Variants in GRIP1 observed in about 807,000 individuals in gnomAD.
The protein encoded by GRIP1 is glutamate receptor-interacting protein 1.
A neutral mutation model predicts 129.9 loss-of-function variants in GRIP1; 45 were observed. That is an observed-to-expected ratio of 0.35 (90% CI 0.27 to 0.44). GRIP1 has a LOEUF of 0.44. Ranked by LOEUF, GRIP1 falls within the 20% of genes least tolerant of loss-of-function variation. The pLI, the probability that GRIP1 is intolerant of heterozygous loss-of-function variation, is 1.00. For synonymous variants in GRIP1, 530 were observed against 520.8 expected (o/e 1.02, Z -0.24); for missense variants, 1,196 against 1,396.8 (o/e 0.86, Z 2.29).
chr12:66,641,338 G>C (rs944572173), intron 1 of GRIP1, among the ~76,000 whole-genome samples: 6 of 145,228 alleles, frequency 4.1e-5, no homozygotes, highest in African/African-American at 1.5e-4. Context: ...AAAACCATGT[G>C]GGACATCTGA....
intron 1 of GRIP1, among the ~76,000 whole-genome samples, chr12:66,705,910 G>A (rs1360270925): frequency 6.6e-5 from 10 of 151,930 alleles, no homozygotes; most frequent in Middle Eastern, 3.2e-3. Context: ...TTAACTCAAG[G>A]TGGATAAAAG....
At chr12:66,518,631 C>A (rs1469622987) in intron 5 of GRIP1, among the ~76,000 whole-genome samples, 2 of 152,056 alleles carry the variant, frequency 1.3e-5, no homozygotes, top group Admixed American at 6.6e-5. Flanking sequence ...TAATCCATGA[C>A]CCTTTTGTAC....
chr12:66,611,536 A>G (rs142284301), intron 1 of GRIP1, among the ~76,000 whole-genome samples: 26 of 152,300 alleles, frequency 1.7e-4, no homozygotes, highest in Non-Finnish European at 2.8e-4. Flanking sequence ...ATTAAGATGA[A>G]ATATAATGCA....
chr12:66,431,243 TA>T (rs550946386), intron 14 of GRIP1, among the ~76,000 whole-genome samples: 1 of 152,136 alleles, frequency 6.6e-6, no homozygotes, highest in South Asian at 2.1e-4. Flanking sequence ...ACTGAGAGGC[TA>T]AGTGACCCAA....
At chr12:66,368,867 A>G (rs1040267133) in intron 23 of GRIP1, among the ~76,000 whole-genome samples, 1 of 152,190 alleles carries the variant, frequency 6.6e-6, no homozygotes, top group African/African-American at 2.4e-5. Context: ...CCTCCCCAGC[A>G]CTTCAAAATT....
chr12:66,468,152 T>G (rs1279854655), intron 7 of GRIP1, among the ~76,000 whole-genome samples: 2 of 152,156 alleles, frequency 1.3e-5, no homozygotes, highest in Non-Finnish European at 2.9e-5. Flanking sequence ...AGGACCAGGT[T>G]CCAGCCAATG....
At chr12:66,976,873 GTCTC>G (rs1235307072) in intron 1 of GRIP1, among the ~76,000 whole-genome samples, 6 of 151,996 alleles carry the variant, frequency 3.9e-5, no homozygotes, top group Non-Finnish European at 8.8e-5. Flanking sequence ...AATATTCTCT[GTCTC>G]TCTTTTTTGT....
intron 1 of GRIP1, among the ~76,000 whole-genome samples, chr12:66,854,708 C>A (rs1225592530): frequency 3.9e-5 from 6 of 151,950 alleles, no homozygotes; most frequent in Admixed American, 2.6e-4. Context: ...CCAATTTTTC[C>A]AACTATATCA....
intron 1 of GRIP1, among the ~76,000 whole-genome samples, chr12:67,027,802 C>A (rs369484369): frequency 1.1e-4 from 16 of 152,194 alleles, no homozygotes; most frequent in African/African-American, 1.4e-4. Flanking sequence ...AAGAGTCTGG[C>A]GAGATGGAGG....
chr12:66,396,098 G>T (rs953503308), intron 16 of GRIP1, among the ~76,000 whole-genome samples: 1 of 152,198 alleles, frequency 6.6e-6, no homozygotes, highest in African/African-American at 2.4e-5. Context: ...TGAGTCATTT[G>T]ATTAGTAGTC....
At chr12:66,804,105 A>G (rs758297862) in exon 1 of GRIP1, 1 of 455,940 alleles carries the variant, frequency 2.2e-6, no homozygotes, top group South Asian at 1.5e-5. Context: ...CCTCGTGGTA[A>G]TCCTCTTCTG....
Position 66,712,871 on chromosome 12 carries a change from C to T in GRIP1, c.-419-82535G>A, listed in dbSNP as rs148582655. 6.8e-4 allele frequency among the ~76,000 whole-genome samples: 104 copies of T among 152,026 alleles called. 2 individuals carry two copies. In the East Asian group the frequency reaches 0.014, roughly 20 times the overall value. ...TATGTAGAATAATGAGTTTTGCTTGCGTGTCTTCACTTCTAGGCGGTGAAC... is the reference window on the plus strand; with the variant it reads ...TATGTAGAATAATGAGTTTTGCTTGTGTGTCTTCACTTCTAGGCGGTGAAC... On this transcript the variant is annotated intron_variant, in intron 1 of 4. Coordinates refer to the GRIP1 transcript ENST00000538373.
chr12:66,452,854 AC>A, intron 11 of GRIP1, among the ~76,000 whole-genome samples: 1 of 152,146 alleles, frequency 6.6e-6, no homozygotes. Context: ...AAAAATCCTC[AC>A]TTAAAAAAAA....
intron 1 of GRIP1, among the ~76,000 whole-genome samples, chr12:66,964,878 C>T (rs1296866363): frequency 6.6e-6 from 1 of 152,064 alleles, no homozygotes; most frequent in Non-Finnish European, 1.5e-5. Context: ...CAGATGAATG[C>T]CTTCTCAATA....
chr12:66,504,087 A>G (rs1289369703), intron 7 of GRIP1, among the ~76,000 whole-genome samples: 2 of 152,180 alleles, frequency 1.3e-5, no homozygotes, highest in African/African-American at 2.4e-5. Context: ...CAAACTGGTG[A>G]GAACATCCCC....
chr12:66,532,834 G>C (rs1459196197), intron 4 of GRIP1, among the ~76,000 whole-genome samples: 3 of 152,106 alleles, frequency 2.0e-5, no homozygotes, highest in South Asian at 2.1e-4. Context: ...AAGTCAGAAG[G>C]CTGTCAAAGG....
chr12:66,695,695 G>A (rs2035134118), intron 1 of GRIP1, among the ~76,000 whole-genome samples: 1 of 152,162 alleles, frequency 6.6e-6, no homozygotes. Flanking sequence ...GGAGGGCATT[G>A]GTGAAGGTGA....
chr12:66,983,379 T>C (rs2042266192), intron 1 of GRIP1, among the ~76,000 whole-genome samples: 1 of 152,188 alleles, frequency 6.6e-6, no homozygotes, highest in Non-Finnish European at 1.5e-5. Context: ...TATAAGGTAT[T>C]GTTATTATTA....
At chr12:66,898,713 A>C (rs559987095) in intron 1 of GRIP1, among the ~76,000 whole-genome samples, 1 of 152,152 alleles carries the variant, frequency 6.6e-6, no homozygotes, top group Non-Finnish European at 1.5e-5. Context: ...GCAATTTACA[A>C]TCCCTTATCG....
Sources: allele counts gnomAD v4.1 joint callset (sites outside exome capture counted in the v4.1 genomes callset), GRCh38; gene constraint gnomAD v4.1.1; transcripts MANE v1.5; gene names NCBI Gene and HGNC (gene_info 2026-07-23, HGNC 2026-07-21).